CLYBL: variants seen among roughly 807,000 people sequenced by gnomAD.
CLYBL encodes the protein citramalyl-CoA lyase.
Under a neutral mutation model 38.9 loss-of-function variants are expected in CLYBL, and 31 were observed. That is an observed-to-expected ratio of 0.80 (90% CI 0.60 to 1.08). The LOEUF is 1.08. Among genes scored for constraint, CLYBL ranks in the 50% least tolerant of loss-of-function variants. CLYBL has a pLI of 0.00. For synonymous variants in CLYBL, 171 were observed against 158.6 expected (o/e 1.08, Z -0.59); for missense variants, 434 against 411.6 (o/e 1.05, Z -0.47).
In CLYBL at chr13:99,865,422, G is replaced by A. The variant is rs1258746430; in HGVS notation, c.634+511G>A. Among the ~76,000 whole-genome samples, 4 of 152,160 alleles carry A rather than the reference G, an allele frequency of 2.6e-5. No individual in the cohort carries two copies. The highest frequency in any genetic ancestry group is 4.8e-5 in the African/African-American group (2 of 41,438). On this transcript the variant is annotated intron_variant, in intron 5 of 8. Coordinates refer to ENST00000339105, the MANE Select transcript of CLYBL (RefSeq NM_206808.5). This position sits in a 1 kb window ranked among gnomAD's most constrained non-coding sequence, Gnocchi z 4.7. ...ATGTTTCGAACTCTTAGTATTAAATGTGCTGATTTTCACCGATTCTCACCA... is the reference window on the plus strand; with the variant it reads ...ATGTTTCGAACTCTTAGTATTAAATATGCTGATTTTCACCGATTCTCACCA...
intron 1 of CLYBL, among the ~76,000 whole-genome samples, chr13:99,607,563 G>A (rs541736769): frequency 1.1e-4 from 17 of 152,212 alleles, no homozygotes; most frequent in South Asian, 1.0e-3. Context: ...GCCTAGGTAC[G>A]TGCACATACA....
At chr13:99,880,064 ATATAT>A (rs1268830979) in intron 7 of CLYBL, among the ~76,000 whole-genome samples, 4 of 61,884 alleles carry the variant, frequency 6.5e-5, no homozygotes, top group African/African-American at 2.1e-4. Flanking sequence ...ATATATATAT[ATATAT>A]TTTTTTTTTT....
intron 7 of CLYBL, among the ~76,000 whole-genome samples, chr13:99,881,615 CAG>C (rs1021257226): frequency 1.1e-4 from 16 of 145,676 alleles, no homozygotes; most frequent in Non-Finnish European, 1.9e-4. Flanking sequence ...TTGGAAAAGA[CAG>C]AGTCTCACTA....
In CLYBL at chr13:99,856,302, A is replaced by G. The variant is rs541624567; in HGVS notation, c.250-2559A>G. Among the ~76,000 whole-genome samples, 4 of 152,204 alleles carry G rather than the reference A, an allele frequency of 2.6e-5. No individual in the cohort carries two copies. The South Asian group carries it at 8.3e-4, about 32-fold the overall frequency. On this transcript the variant is annotated intron_variant, in intron 2 of 8. Coordinates refer to ENST00000339105, the MANE Select transcript of CLYBL (RefSeq NM_206808.5). Reference sequence around the variant, plus strand: ...CACCAGCCAACATTAACAATTTAGGAAGTTGATGTTGCCAGGGATCCTGCG... The same window carrying G: ...CACCAGCCAACATTAACAATTTAGGGAGTTGATGTTGCCAGGGATCCTGCG...
At chr13:99,771,938 C>T (rs912872400) in intron 1 of CLYBL, among the ~76,000 whole-genome samples, 2 of 152,156 alleles carry the variant, frequency 1.3e-5, no homozygotes, top group African/African-American at 4.8e-5. Flanking sequence ...GATGAAGAAT[C>T]CAAAGTTACC....
At chr13:99,637,889 G>A (rs189353501) in intron 1 of CLYBL, among the ~76,000 whole-genome samples, 200 of 149,970 alleles carry the variant, frequency 1.3e-3, no homozygotes, top group African/African-American at 4.5e-3. Flanking sequence ...TTTAAACATA[G>A]CAGATGCATT....
chr13:99,774,793 A>G (rs996853417), intron 2 of CLYBL, among the ~76,000 whole-genome samples: 1 of 152,322 alleles, frequency 6.6e-6, no homozygotes, highest in Middle Eastern at 3.4e-3. Flanking sequence ...GCCAAGGAAA[A>G]TACTATTAAT....
chr13:99,669,799 TACTC>T (rs1250004677), intron 1 of CLYBL, among the ~76,000 whole-genome samples: 5 of 152,358 alleles, frequency 3.3e-5, no homozygotes, highest in African/African-American at 4.8e-5. Flanking sequence ...AGTTTGGGCT[TACTC>T]AATCTGTTAA....
intron 7 of CLYBL, among the ~76,000 whole-genome samples, chr13:99,890,891 G>C (rs2052472152): frequency 6.6e-6 from 1 of 152,102 alleles, no homozygotes; most frequent in Non-Finnish European, 1.5e-5. Flanking sequence ...TTATGTTACA[G>C]CAAGGAGGTA....
chr13:99,841,394 CT>C (rs749851808), intron 2 of CLYBL, among the ~76,000 whole-genome samples: 20 of 89,124 alleles, frequency 2.2e-4, no homozygotes, highest in East Asian at 4.4e-4. Context: ...CACATACATA[CT>C]TTTTTTTTTT....
intron 1 of CLYBL, among the ~76,000 whole-genome samples, chr13:99,653,672 T>C (rs73564226): frequency 0.16 from 24,373 of 151,776 alleles, 2,070 homozygotes; most frequent in African/African-American, 0.19. Flanking sequence ...TAGCTTTTTC[T>C]TTTTTTTTCA....
At chr13:99,668,693 A>G (rs537472649) in intron 1 of CLYBL, among the ~76,000 whole-genome samples, 1 of 152,190 alleles carries the variant, frequency 6.6e-6, no homozygotes, top group Non-Finnish European at 1.5e-5. Context: ...TGATGTCTAA[A>G]TCCCCTCCCT....
At chr13:99,739,599 CTG>C (rs2048718354) in intron 1 of CLYBL, among the ~76,000 whole-genome samples, 1 of 152,220 alleles carries the variant, frequency 6.6e-6, no homozygotes. Flanking sequence ...TGTTATGTCA[CTG>C]TGAGTATGGA....
intron 2 of CLYBL, among the ~76,000 whole-genome samples, chr13:99,837,950 AT>A (rs2050977904): frequency 6.6e-6 from 1 of 152,172 alleles, no homozygotes; most frequent in South Asian, 2.1e-4. Flanking sequence ...TACAAATATT[AT>A]TTTTTACATG....
At chr13:99,796,074 C>G (rs2138914994) in intron 2 of CLYBL, among the ~76,000 whole-genome samples, 1 of 152,138 alleles carries the variant, frequency 6.6e-6, no homozygotes, top group Middle Eastern at 3.4e-3. Flanking sequence ...GCAAAGGGAG[C>G]CTGAAGTAGG....
chr13:99,718,107 G>A (rs866047965), intron 1 of CLYBL, among the ~76,000 whole-genome samples: 6 of 152,012 alleles, frequency 3.9e-5, no homozygotes, highest in South Asian at 2.1e-4. Flanking sequence ...TATAACTCCT[G>A]GGCTCAAGTG....
At chr13:99,793,568 T>C (rs769251761) in intron 2 of CLYBL, among the ~76,000 whole-genome samples, 5 of 152,214 alleles carry the variant, frequency 3.3e-5, no homozygotes, top group Non-Finnish European at 7.3e-5. Context: ...TTTTGAACAG[T>C]AATTGTTAAA....
chr13:99,647,571 A>C (rs1242419771), intron 1 of CLYBL, among the ~76,000 whole-genome samples: 2 of 152,224 alleles, frequency 1.3e-5, no homozygotes, highest in African/African-American at 4.8e-5. Context: ...GATTCAGAGA[A>C]AGAAAGCAGA....
At position 99,865,647 on chromosome 13, in the gene CLYBL, G is replaced by A. The variant is rs1412440635; in HGVS notation, c.635-593G>A. On this transcript the variant is annotated intron_variant, in intron 5 of 8. Transcript: ENST00000339105. This position sits in a 1 kb window ranked among gnomAD's most constrained non-coding sequence, Gnocchi z 4.7. Reference sequence around the variant, plus strand: ...GAAAAAACTGAATTTATTTGAATACGAGTCTTTCCAGGAGACTTGTGTATC... The same window carrying A: ...GAAAAAACTGAATTTATTTGAATACAAGTCTTTCCAGGAGACTTGTGTATC... 6.6e-6 allele frequency among the ~76,000 whole-genome samples: 1 copy of A among 152,148 alleles called. No homozygotes were observed.
Sources: gnomAD v4.1 joint callset for allele counts (sites outside exome capture counted in the v4.1 genomes callset) on GRCh38, gnomAD v4.1.1 for gene constraint, Gnocchi (gnomAD v3.1) non-coding constraint, MANE v1.5 for transcripts, NCBI Gene and HGNC (gene_info 2026-07-23, HGNC 2026-07-21) for gene names.